Variants in MTHFS observed in about 807,000 individuals in gnomAD.
MTHFS encodes the protein 5-formyltetrahydrofolate cyclo-ligase.
In MTHFS, 7 loss-of-function variants were observed where a neutral mutation model predicts 12.7. The ratio of observed to expected loss-of-function variants is 0.55; its 90% CI spans 0.31 to 1.03. The LOEUF (loss-of-function observed/expected upper bound fraction) is 1.03. MTHFS is among the 50% of genes least tolerant of loss of function. The pLI, the probability that MTHFS is intolerant of heterozygous loss-of-function variation, is 0.05. For missense variants in MTHFS, 252 were observed against 258.1 expected (o/e 0.98, Z 0.16); for synonymous variants, 100 against 97.1 (o/e 1.03, Z -0.18).
Position 79,845,307 on chromosome 15 carries a change from G to T in MTHFS, c.515C>A (p.Ala172Glu), listed in dbSNP as rs201467312. The T allele has an allele frequency of 1.2e-6, 2 of 1,613,974 alleles. No individual in the cohort carries two copies. ...GCAAATCTGTTCTTTGAAAGCCAAC[G>T]CCAGGGTGTAGGGCTTCACTTCCTG... ...QHQEVKPYTLALAFKEQICLQ... is the reference protein window; with the variant it reads ...QHQEVKPYTLELAFKEQICLQ... The change falls in exon 3 of 3, where the codon GCG becomes GAG. Residue 172 changes from alanine (A) to glutamate (E), a missense_variant. Physicochemically the swap from Ala to Glu is moderately radical, Grantham distance 107. Coordinates refer to ENST00000258874, the MANE Select transcript of MTHFS (RefSeq NM_006441.4).
intron 1 of MTHFS, among the ~76,000 whole-genome samples, chr15:79,890,142 T>C (rs1380475784): frequency 1.3e-5 from 2 of 151,086 alleles, no homozygotes; most frequent in East Asian, 2.0e-4. Context: ...TTGCTCATCA[T>C]AGAAATGTCA....
chr15:79,863,614 C>G (rs975517207), intron 2 of MTHFS, among the ~76,000 whole-genome samples: 6 of 152,206 alleles, frequency 3.9e-5, no homozygotes, highest in Non-Finnish European at 7.3e-5. Flanking sequence ...TTCTCACCTT[C>G]CCTGGTAGTT....
chr15:79,892,253 T>C (rs992970561), intron 1 of MTHFS, among the ~76,000 whole-genome samples: 1 of 151,910 alleles, frequency 6.6e-6, no homozygotes, highest in Non-Finnish European at 1.5e-5. Flanking sequence ...AACTCAGAAG[T>C]GGAGTAAGGA....
At chr15:79,896,660 A>G (rs1196650496) in intron 1 of MTHFS, 1 of 855,818 alleles carries the variant, frequency 1.2e-6, no homozygotes. Context: ...CACAACTTTC[A>G]CTACCGGGCC....
intron 2 of MTHFS, among the ~76,000 whole-genome samples, chr15:79,888,463 G>C (rs1477147163): frequency 6.6e-6 from 1 of 152,184 alleles, no homozygotes; most frequent in Non-Finnish European, 1.5e-5. Context: ...CAATAAAGAG[G>C]AAGGAGAGGA....
intron 2 of MTHFS, among the ~76,000 whole-genome samples, chr15:79,888,035 C>T: frequency 6.6e-6 from 1 of 152,140 alleles, no homozygotes; most frequent in Non-Finnish European, 1.5e-5. Flanking sequence ...GCTAGGGCTT[C>T]TTTGCAACCA....
chr15:79,880,095 A>T (rs1163534623), intron 2 of MTHFS, among the ~76,000 whole-genome samples: 1 of 152,074 alleles, frequency 6.6e-6, no homozygotes, highest in Non-Finnish European at 1.5e-5. Context: ...TTTAAGACGG[A>T]GTCTCGCTCT....
intron 2 of MTHFS, among the ~76,000 whole-genome samples, chr15:79,862,863 C>T (rs2033941938): frequency 6.6e-6 from 1 of 152,190 alleles, no homozygotes; most frequent in South Asian, 2.1e-4. Context: ...GCCTCATCAC[C>T]TAGCCACTAA....
At chr15:79,855,661 C>T (rs1239835171) in intron 2 of MTHFS, among the ~76,000 whole-genome samples, 1 of 152,086 alleles carries the variant, frequency 6.6e-6, no homozygotes, top group African/African-American at 2.4e-5. Flanking sequence ...GATCCTTTCC[C>T]TTCTCCCACT....
At chr15:79,883,223 C>T (rs773876738) in intron 2 of MTHFS, among the ~76,000 whole-genome samples, 4 of 152,168 alleles carry the variant, frequency 2.6e-5, no homozygotes, top group East Asian at 1.9e-4. Context: ...CAAGTTACAG[C>T]GCCTTATAAA....
At chr15:79,852,224 T>A (rs1167412436) in intron 2 of MTHFS, among the ~76,000 whole-genome samples, 1 of 152,222 alleles carries the variant, frequency 6.6e-6, no homozygotes, top group Non-Finnish European at 1.5e-5. Flanking sequence ...TTGAACTCAT[T>A]ATGATTGCCT....
chr15:79,864,547 C>CAAAAAAAAAAAA (rs58698908), intron 2 of MTHFS, among the ~76,000 whole-genome samples: 43 of 64,530 alleles, frequency 6.7e-4, no homozygotes, highest in African/African-American at 1.0e-3. Flanking sequence ...TCCATCTCAA[C>CAAAAAAAAAAAA]AAAAAAAAAA....
chr15:79,866,095 T>C (rs181944958), intron 2 of MTHFS, among the ~76,000 whole-genome samples: 1 of 152,196 alleles, frequency 6.6e-6, no homozygotes, highest in Non-Finnish European at 1.5e-5. Flanking sequence ...TTTTGTTTTT[T>C]TTTGGTCTCT....
intron 2 of MTHFS, among the ~76,000 whole-genome samples, chr15:79,859,255 A>G (rs1459346830): frequency 6.6e-6 from 1 of 152,258 alleles, no homozygotes; most frequent in Non-Finnish European, 1.5e-5. Flanking sequence ...TAAATTTAGA[A>G]TAGTCAGCTA....
intron 2 of MTHFS, among the ~76,000 whole-genome samples, chr15:79,880,864 G>A (rs983320232): frequency 1.3e-5 from 2 of 150,718 alleles, no homozygotes; most frequent in African/African-American, 2.4e-5. Flanking sequence ...AATGACAAAA[G>A]GTATGCTGAG....
At chr15:79,860,191 C>T (rs1341253714) in intron 2 of MTHFS, among the ~76,000 whole-genome samples, 2 of 152,054 alleles carry the variant, frequency 1.3e-5, no homozygotes, top group Non-Finnish European at 2.9e-5. Context: ...AGATGGAGAC[C>T]ATCCTGGCTA....
chr15:79,874,772 A>T lies in MTHFS; in HGVS notation c.379+14321T>A, dbSNP rs373245038. Among the ~76,000 whole-genome samples, 143 of 152,194 alleles carry T rather than the reference A, an allele frequency of 9.4e-4. 4 individuals are homozygous for T. The South Asian group carries it at 0.028, about 30-fold the overall frequency. On this transcript the variant is annotated intron_variant, in intron 2 of 2. Transcript: ENST00000258874. Reference sequence around the variant, plus strand: ...CTCAGGGCTGTTCCTTGCTGAAAAAAAGAATTCAGCGATATTTCTCCTATT... The same window carrying T: ...CTCAGGGCTGTTCCTTGCTGAAAAATAGAATTCAGCGATATTTCTCCTATT...
At chr15:79,868,790 G>A (rs775850380) in intron 2 of MTHFS, among the ~76,000 whole-genome samples, 1 of 152,150 alleles carries the variant, frequency 6.6e-6, no homozygotes, top group African/African-American at 2.4e-5. Context: ...TGGGTCTCTA[G>A]CTTACAGACA....
intron 2 of MTHFS, among the ~76,000 whole-genome samples, chr15:79,864,976 A>C (rs28727320): frequency 0.02 from 3,033 of 152,316 alleles, 86 homozygotes; most frequent in African/African-American, 0.069. Flanking sequence ...AAAACACCCC[A>C]AAAAAATAAA....
Sources: allele counts gnomAD v4.1 joint callset (sites outside exome capture counted in the v4.1 genomes callset), GRCh38; gene constraint gnomAD v4.1.1; transcripts MANE v1.5; gene names NCBI Gene and HGNC (gene_info 2026-07-23, HGNC 2026-07-21).